The following RARB variants were observed in gnomAD, a reference collection of about 807,000 sequenced individuals.
RARB encodes HBV-activated protein.
Under a neutral mutation model 51.9 loss-of-function variants are expected in RARB, and 17 were observed. The ratio of observed to expected loss-of-function variants is 0.33; its 90% CI spans 0.22 to 0.49. RARB has a LOEUF of 0.49. RARB is among the 20% of genes least tolerant of loss of function. RARB has a pLI of 0.99. For synonymous variants in RARB, 215 were observed against 195.4 expected, an observed-to-expected ratio of 1.10 and a Z score of -0.84; for missense variants, 369 against 550.8, an observed-to-expected ratio of 0.67 and a Z score of 3.30.
At chr3:25,082,938 A>G (rs1002414267) in intron 3 of RARB, among the ~76,000 whole-genome samples, 5 of 152,116 alleles carry the variant, frequency 3.3e-5, no homozygotes, top group African/African-American at 1.2e-4. Flanking sequence ...TGTTGGATAT[A>G]CAGCTCCAGC....
At chr3:25,265,888 T>G (rs971408867) in intron 5 of RARB, among the ~76,000 whole-genome samples, 2 of 152,166 alleles carry the variant, frequency 1.3e-5, no homozygotes, top group African/African-American at 2.4e-5. Context: ...GAGAATTCAT[T>G]CCCTTGCTTT....
At chr3:24,921,565 G>T (rs548023968) in intron 2 of RARB, among the ~76,000 whole-genome samples, 1 of 151,984 alleles carries the variant, frequency 6.6e-6, no homozygotes, top group African/African-American at 2.4e-5. Context: ...TTCCTGCCTC[G>T]CTCTTCAGAT....
At chr3:24,841,122 A>G (rs1400609106) in intron 1 of RARB, among the ~76,000 whole-genome samples, 2 of 152,166 alleles carry the variant, frequency 1.3e-5, no homozygotes, top group East Asian at 3.8e-4. Context: ...TAAAACACAA[A>G]AACCATCAAT....
chr3:25,321,606 A>G (rs1032184847), intron 5 of RARB, among the ~76,000 whole-genome samples: 2 of 151,910 alleles, frequency 1.3e-5, no homozygotes, highest in Non-Finnish European at 2.9e-5. Flanking sequence ...AATCCCAGCT[A>G]CTCGGGAGGC....
chr3:24,882,596 T>G (rs972627305), intron 2 of RARB, among the ~76,000 whole-genome samples: 1 of 152,218 alleles, frequency 6.6e-6, no homozygotes, highest in African/African-American at 2.4e-5. Flanking sequence ...CCATTTCAAC[T>G]TCAATATTTT....
At chr3:25,179,055 G>C (rs1428668148) in intron 5 of RARB, among the ~76,000 whole-genome samples, 1 of 152,066 alleles carries the variant, frequency 6.6e-6, no homozygotes, top group Non-Finnish European at 1.5e-5. Flanking sequence ...CTTTTTTAAT[G>C]ATCAGAAAGT....
intron 5 of RARB, among the ~76,000 whole-genome samples, chr3:25,245,204 G>C (rs1702528516): frequency 6.6e-6 from 1 of 151,968 alleles, no homozygotes; most frequent in Non-Finnish European, 1.5e-5. Context: ...GTATCTTTAA[G>C]TGTGAGATGG....
intron 2 of RARB, among the ~76,000 whole-genome samples, chr3:25,493,421 A>G (rs1168262522): frequency 6.6e-6 from 1 of 152,124 alleles, no homozygotes; most frequent in African/African-American, 2.4e-5. Context: ...GGATTATTCC[A>G]CACTCACCTC....
chr3:25,087,410 T>C (rs1371164133), intron 3 of RARB, among the ~76,000 whole-genome samples: 4 of 152,110 alleles, frequency 2.6e-5, no homozygotes, highest in Non-Finnish European at 5.9e-5. Context: ...ATGGTTCAGA[T>C]TGTAGGTGGA....
At chr3:25,366,912 C>G (rs916516607) in intron 5 of RARB, among the ~76,000 whole-genome samples, 1 of 152,042 alleles carries the variant, frequency 6.6e-6, no homozygotes, top group Non-Finnish European at 1.5e-5. Flanking sequence ...CCAAATTTAA[C>G]CATTTTTTTT....
chr3:24,937,500 C>T (rs969794846), intron 2 of RARB, among the ~76,000 whole-genome samples: 26 of 152,154 alleles, frequency 1.7e-4, no homozygotes, highest in African/African-American at 6.3e-4. Flanking sequence ...TGCCAGATGA[C>T]ATAAAACTGC....
chr3:25,350,471 C>T (rs982817684), intron 5 of RARB, among the ~76,000 whole-genome samples: 39 of 152,138 alleles, frequency 2.6e-4, no homozygotes, highest in African/African-American at 8.7e-4. Flanking sequence ...GCTGAATAGG[C>T]ATCTCTATTA....
chr3:25,361,830 G>A lies in RARB; in HGVS notation c.179-99363G>A, dbSNP rs539271158. Among the ~76,000 whole-genome samples, 8 of 152,300 alleles carry A rather than the reference G, an allele frequency of 5.3e-5. No individual in the cohort carries two copies. In the South Asian group the frequency reaches 1.4e-3, roughly 28 times the overall value. On this transcript the variant is annotated intron_variant, in intron 5 of 11. Coordinates refer to the RARB transcript ENST00000383772. ...TGGAGGCTGCAGAACAGCAAAGATTGCTGCTTTCTCCTTCCTCTGGAAGCC... is the reference window on the plus strand; with the variant it reads ...TGGAGGCTGCAGAACAGCAAAGATTACTGCTTTCTCCTTCCTCTGGAAGCC...
chr3:25,056,059 A>C (rs1368070001), intron 2 of RARB, among the ~76,000 whole-genome samples: 3 of 152,142 alleles, frequency 2.0e-5, no homozygotes, highest in Admixed American at 1.3e-4. Context: ...CTGCCGGGAA[A>C]CATGCCCAAC....
chr3:25,493,335 C>A (rs1486569600), intron 2 of RARB, among the ~76,000 whole-genome samples: 5 of 152,152 alleles, frequency 3.3e-5, no homozygotes, highest in Non-Finnish European at 7.3e-5. Context: ...CCACTCTCTC[C>A]AGAGGGTGTT....
intron 1 of RARB, among the ~76,000 whole-genome samples, chr3:25,437,607 G>C (rs531584500): frequency 6.6e-6 from 1 of 152,274 alleles, no homozygotes; most frequent in East Asian, 1.9e-4. Flanking sequence ...TTGAACCTAA[G>C]ATTGATAATG....
At chr3:25,154,961 C>T (rs190048149) in intron 4 of RARB, among the ~76,000 whole-genome samples, 1 of 152,294 alleles carries the variant, frequency 6.6e-6, no homozygotes, top group Non-Finnish European at 1.5e-5. Flanking sequence ...TTCCAACATC[C>T]AATGTAGGAC....
chr3:25,344,150 T>C (rs753832536), intron 5 of RARB, among the ~76,000 whole-genome samples: 5 of 152,194 alleles, frequency 3.3e-5, no homozygotes, highest in African/African-American at 4.8e-5. Flanking sequence ...TGATGGGGCA[T>C]ATTAAACTCT....
chr3:25,118,777 C>A (rs930845574), intron 3 of RARB, among the ~76,000 whole-genome samples: 2 of 152,000 alleles, frequency 1.3e-5, no homozygotes, highest in African/African-American at 2.4e-5. Context: ...ACCCAGGCAA[C>A]ACAAGATCCT....
Sources: gnomAD v4.1 joint callset for allele counts (sites outside exome capture counted in the v4.1 genomes callset) on GRCh38, gnomAD v4.1.1 for gene constraint, MANE v1.5 for transcripts, NCBI Gene and HGNC (gene_info 2026-07-23, HGNC 2026-07-21) for gene names.